The following PCDHA11 variants were observed in gnomAD, a reference collection of about 807,000 sequenced individuals.
The protein encoded by PCDHA11 is protocadherin alpha 11, also known as protocadherin alpha-11.
In PCDHA11, 61 loss-of-function variants were observed where a neutral mutation model predicts 70.3. The ratio of observed to expected loss-of-function variants is 0.87; its 90% CI spans 0.71 to 1.07. The LOEUF (loss-of-function observed/expected upper bound fraction) is 1.07. Ranked by LOEUF, PCDHA11 falls within the 50% of genes least tolerant of loss-of-function variation. PCDHA11 has a pLI of 0.00. For missense variants in PCDHA11, 1,324 were observed against 1,237.5 expected, an observed-to-expected ratio of 1.07 and a Z score of -1.05; for synonymous variants, 633 against 555.1, an observed-to-expected ratio of 1.14 and a Z score of -1.97.
At chr5:140,883,911 A>G (rs2059884661) in intron 1 of PCDHA11, 2 of 1,613,034 alleles carry the variant, frequency 1.2e-6, no homozygotes, top group Non-Finnish European at 8.5e-7. Flanking sequence ...CTGGGCAGCA[A>G]CGTGACGCTG....
chr5:140,972,820 C>A (rs1247488574), intron 1 of PCDHA11, among the ~76,000 whole-genome samples: 3 of 151,964 alleles, frequency 2.0e-5, no homozygotes, highest in Admixed American at 6.6e-5. Context: ...CGCGCCACCA[C>A]GCCTGGCTAA....
Position 140,870,392 on chromosome 5 carries a change from G to T in PCDHA11, c.1289G>T (p.Gly430Val). ...YELVVTARDGGSPSLWATARV... is the reference protein window; with the variant it reads ...YELVVTARDGVSPSLWATARV... ...CTGGTGGTGACTGCGCGGGATGGGGGTTCGCCTTCTCTGTGGGCCACGGCC... is the reference window on the plus strand; with the variant it reads ...CTGGTGGTGACTGCGCGGGATGGGGTTTCGCCTTCTCTGTGGGCCACGGCC... The change falls in exon 1 of 4, where the codon GGT (glycine) becomes GTT (valine). Residue 430 changes from glycine (G) to valine (V), a missense_variant. Physicochemically the swap from Gly to Val is moderately radical, Grantham distance 109 (BLOSUM62 -3). Coordinates refer to ENST00000398640, the MANE Select transcript of PCDHA11 (RefSeq NM_018902.5). The T allele has an allele frequency of 6.2e-7, 1 of 1,614,254 alleles. No homozygotes were observed. Among genetic ancestry groups the T allele is most frequent in the Non-Finnish European group, 8.5e-7 (1 of 1,180,046 alleles).
In PCDHA11 at chr5:140,986,314, A is replaced by G. The variant is rs551389701; in HGVS notation, c.2539+3751A>G. On this transcript the variant is annotated intron_variant, in intron 3 of 3. Transcript: ENST00000398640. ...TGAGCAGAGAGAGAAAATTAGCTAA[A>G]TCAGGAATGCAGGGAATACAGTTGC... 9.4e-4 allele frequency among the ~76,000 whole-genome samples: 143 copies of G among 152,196 alleles called. 1 individual carries two copies. The highest frequency in any genetic ancestry group is 1.6e-3 in the Non-Finnish European group (110 of 68,030).
intron 1 of PCDHA11, chr5:140,926,693 C>G (rs576013331): frequency 3.9e-4 from 291 of 742,942 alleles, no homozygotes; most frequent in Non-Finnish European, 5.0e-4. Flanking sequence ...CTAGCAAGCC[C>G]GGCTCCCAGC....
rs2096504149 is a variant in PCDHA11 at position 140,971,885 on chromosome 5, T to G, written c.2392-7064T>G. Among the ~76,000 whole-genome samples the G allele has an allele frequency of 2.0e-5, 3 of 152,134 alleles. No individual in the cohort carries two copies. In the South Asian group the frequency reaches 6.2e-4, roughly 31 times the overall value. ...ACATCTAGCATATGAGGAAATAAGC[T>G]CAGGGAGGTTAGGTAATCTACACAG... On this transcript the variant is annotated intron_variant, in intron 1 of 3. Coordinates refer to ENST00000398640, the MANE Select transcript of PCDHA11 (RefSeq NM_018902.5).
intron 1 of PCDHA11, among the ~76,000 whole-genome samples, chr5:140,891,825 G>T (rs2153435686): frequency 6.6e-6 from 1 of 152,302 alleles, no homozygotes; most frequent in East Asian, 1.9e-4. Flanking sequence ...TAACGGCACT[G>T]TAAAAGGACT....
intron 1 of PCDHA11, among the ~76,000 whole-genome samples, chr5:140,942,586 A>C (rs559683622): frequency 1.3e-5 from 2 of 150,518 alleles, no homozygotes; most frequent in African/African-American, 4.9e-5. Context: ...ATAGGATGTC[A>C]CATATAATTA....
chr5:140,904,555 C>CT (rs569725486), intron 1 of PCDHA11, among the ~76,000 whole-genome samples: 13 of 151,744 alleles, frequency 8.6e-5, no homozygotes, highest in Middle Eastern at 3.4e-3. Flanking sequence ...CATATAATGA[C>CT]TTTTTTTTCC....
At chr5:140,907,391 A>G (rs1455875344) in intron 1 of PCDHA11, among the ~76,000 whole-genome samples, 2 of 152,214 alleles carry the variant, frequency 1.3e-5, no homozygotes, top group African/African-American at 2.4e-5. Context: ...GGTCAAAGGC[A>G]ATGCTGTGTG....
intron 1 of PCDHA11, among the ~76,000 whole-genome samples, chr5:140,961,406 G>C (rs1046743232): frequency 4.6e-5 from 7 of 152,008 alleles, no homozygotes; most frequent in Non-Finnish European, 1.0e-4. Flanking sequence ...AACACTTTTT[G>C]GCATGTTATT....
chr5:140,903,192 G>A (rs2070083529), intron 1 of PCDHA11, among the ~76,000 whole-genome samples: 1 of 152,160 alleles, frequency 6.6e-6, no homozygotes, highest in South Asian at 2.1e-4. Flanking sequence ...GTATAAAAGA[G>A]TGTCCTTTTC....
intron 1 of PCDHA11, among the ~76,000 whole-genome samples, chr5:140,953,290 A>G (rs1554220852): frequency 1.3e-5 from 2 of 152,124 alleles, no homozygotes; most frequent in Admixed American, 6.6e-5. Context: ...TATGTGATTC[A>G]GGGACGGCAG....
intron 2 of PCDHA11, among the ~76,000 whole-genome samples, chr5:140,980,982 C>G (rs1208541065): frequency 6.6e-6 from 1 of 151,990 alleles, no homozygotes; most frequent in East Asian, 1.9e-4. Flanking sequence ...ACTGAGCCCA[C>G]ACAATTTGCT....
chr5:140,971,000 T>G (rs1409787417), intron 1 of PCDHA11, among the ~76,000 whole-genome samples: 2 of 152,196 alleles, frequency 1.3e-5, no homozygotes, highest in African/African-American at 4.8e-5. Flanking sequence ...ATCAAAGAGT[T>G]TCCAGAAGTC....
chr5:140,890,173 C>T (rs1188650558), intron 1 of PCDHA11, among the ~76,000 whole-genome samples: 4 of 152,114 alleles, frequency 2.6e-5, no homozygotes, highest in African/African-American at 7.2e-5. Context: ...CAGAAATAGG[C>T]AAATGCTACA....
chr5:140,890,434 T>C (rs1368664447), intron 1 of PCDHA11, among the ~76,000 whole-genome samples: 2 of 152,226 alleles, frequency 1.3e-5, no homozygotes, highest in Non-Finnish European at 2.9e-5. Flanking sequence ...ATATTTACAA[T>C]ACCTAGTGAT....
At chr5:140,882,592 G>T in intron 1 of PCDHA11, 1 of 1,614,272 alleles carries the variant, frequency 6.2e-7, no homozygotes, top group Non-Finnish European at 8.5e-7. Context: ...ACCTGGAGGT[G>T]ATCGTGGACA....
intron 1 of PCDHA11, among the ~76,000 whole-genome samples, chr5:140,943,274 A>G (rs1179008027): frequency 6.4e-5 from 9 of 141,284 alleles, no homozygotes; most frequent in Non-Finnish European, 1.0e-4. Flanking sequence ...AAAAAAAAAA[A>G]AAAGAAAGAA....
chr5:140,956,710 CAGA>C (rs1554222572), intron 1 of PCDHA11, among the ~76,000 whole-genome samples: 1 of 152,144 alleles, frequency 6.6e-6, no homozygotes, highest in Non-Finnish European at 1.5e-5. Flanking sequence ...GGAATAGCTT[CAGA>C]AGAATTGGTA....
Sources: allele counts gnomAD v4.1 joint callset (sites outside exome capture counted in the v4.1 genomes callset), GRCh38; gene constraint gnomAD v4.1.1; transcripts MANE v1.5; gene names NCBI Gene and HGNC (gene_info 2026-07-23, HGNC 2026-07-21).